The following GNB5 variants were observed in gnomAD, a reference collection of about 807,000 sequenced individuals.
GNB5 encodes guanine nucleotide-binding protein subunit beta-5.
In GNB5, 37 loss-of-function variants were observed where a neutral mutation model predicts 55.3. The ratio of observed to expected loss-of-function variants is 0.67; its 90% CI spans 0.51 to 0.88. The LOEUF (loss-of-function observed/expected upper bound fraction) is 0.88. Among genes scored for constraint, GNB5 ranks in the 40% least tolerant of loss-of-function variants. The pLI, the probability that GNB5 is intolerant of heterozygous loss-of-function variation, is 0.00. For synonymous variants in GNB5, 219 were observed against 198.5 expected (o/e 1.10, Z -0.87); for missense variants, 476 against 515.3 (o/e 0.92, Z 0.74).
At chr15:52,166,282 T>C (rs981783711) in intron 3 of GNB5, among the ~76,000 whole-genome samples, 1 of 152,124 alleles carries the variant, frequency 6.6e-6, no homozygotes, top group Non-Finnish European at 1.5e-5. Context: ...AGACAGATCA[T>C]TGAGAGAGAA....
At chr15:52,173,974 G>A (rs1450101402) in intron 3 of GNB5, among the ~76,000 whole-genome samples, 2 of 152,300 alleles carry the variant, frequency 1.3e-5, no homozygotes, top group Non-Finnish European at 2.9e-5. Context: ...ACGGCAAAAG[G>A]GACTTTCTAG....
At chr15:52,171,644 C>T (rs1443657000) in intron 3 of GNB5, among the ~76,000 whole-genome samples, 3 of 152,232 alleles carry the variant, frequency 2.0e-5, no homozygotes, top group Non-Finnish European at 4.4e-5. Flanking sequence ...GTAGAGAAAC[C>T]GACTTCTGTA....
chr15:52,130,869 A>C (rs2033555888), intron 9 of GNB5, among the ~76,000 whole-genome samples: 1 of 152,252 alleles, frequency 6.6e-6, no homozygotes, highest in Admixed American at 6.5e-5. Context: ...TCTACTGCCC[A>C]GGCTGGAGTG....
At position 52,186,012 on chromosome 15, in the gene GNB5, C is replaced by G. The variant is rs565992132; in HGVS notation, c.-18-1318G>C. Among the ~76,000 whole-genome samples, 370 of 152,244 alleles carry G rather than the reference C, an allele frequency of 2.4e-3. 2 individuals carry two copies. The highest frequency in any genetic ancestry group is 6.8e-3 in the Middle Eastern group (2 of 294). On this transcript the variant is annotated intron_variant, in intron 1 of 12. Transcript: ENST00000261837. Reference sequence around the variant, plus strand: ...CAGGCTGGTCTCAAACTCCTGACCTCAAGTTATCCACCCACCTCGGCCTCC... The same window carrying G: ...CAGGCTGGTCTCAAACTCCTGACCTGAAGTTATCCACCCACCTCGGCCTCC...
intron 7 of GNB5, among the ~76,000 whole-genome samples, chr15:52,138,122 AT>A (rs1289242027): frequency 6.6e-6 from 1 of 151,248 alleles, no homozygotes; most frequent in East Asian, 1.9e-4. Context: ...AAAGAATCTC[AT>A]TTTTTTCCCA....
Position 52,124,622 on chromosome 15 carries a change from CA to C in GNB5, c.1026del (p.Gly343AspfsTer78). On this transcript the variant is annotated frameshift_variant, in exon 12 of 13. Coordinates refer to ENST00000261837, the MANE Select transcript of GNB5 (RefSeq NM_016194.4). LOFTEE classifies it high-confidence loss of function. The stretch of plus-strand genomic sequence containing the variant: ...ACGTTGATAGTGTAATCATTGTATC[CA>C]GCAAACAGCAGGCGACCTTGAAGCA... ...DFSLSGRLLFAGYNDYTINVW... is the reference protein window; with the variant it reads ...DFSLSGRLLFXGYNDYTINVW... 1 of 1,613,820 alleles carries C rather than the reference CA, an allele frequency of 6.2e-7. No homozygotes were observed. Among genetic ancestry groups the C allele is most frequent in the Non-Finnish European group, 8.5e-7 (1 of 1,179,854 alleles).
chr15:52,138,607 G>C (rs2033782883), intron 7 of GNB5: 1 of 151,990 alleles, frequency 6.6e-6, no homozygotes, highest in Non-Finnish European at 1.5e-5. Flanking sequence ...CTGAAATTTG[G>C]GTACTCATAT....
Position 52,169,872 on chromosome 15 carries a change from GA to G in GNB5, c.238+9895del, listed in dbSNP as rs573082402. On this transcript the variant is annotated intron_variant, in intron 3 of 12. Coordinates refer to ENST00000261837, the MANE Select transcript of GNB5 (RefSeq NM_016194.4). ...TACAAGAACTTAAACAAATTTACAA[GA>G]AAAAAAACCCCATTAAAAAGTGGGC... Among the ~76,000 whole-genome samples the G allele has an allele frequency of 3.2e-3, 477 of 151,324 alleles. 1 individual carries two copies. The highest frequency in any genetic ancestry group is 0.011 in the African/African-American group (454 of 41,268).
chr15:52,126,891 G>C (rs1051118169), intron 10 of GNB5, among the ~76,000 whole-genome samples: 11 of 152,058 alleles, frequency 7.2e-5, no homozygotes, highest in Non-Finnish European at 1.3e-4. Flanking sequence ...GCCTCCCCAG[G>C]GTTCAAACGA....
chr15:52,151,977 G>GA (rs1254051498), intron 4 of GNB5, among the ~76,000 whole-genome samples: 6 of 151,548 alleles, frequency 4.0e-5, no homozygotes, highest in African/African-American at 7.3e-5. Context: ...AAAAGAAAAA[G>GA]AAAAAAATAA....
intron 1 of GNB5, among the ~76,000 whole-genome samples, chr15:52,188,628 A>C (rs959358098): frequency 6.6e-6 from 1 of 152,200 alleles, no homozygotes; most frequent in African/African-American, 2.4e-5. Context: ...TTTGACAAGA[A>C]AGACAGAAAT....
Position 52,135,760 on chromosome 15 carries a change from C to A in GNB5, c.628-4G>T. Reference sequence around the variant, plus strand: ...CATCGCCGCTCGCTGTCAGGATCTGCCCGCAGAAAAGGACAGGAAGTGGGT... The same window carrying A: ...CATCGCCGCTCGCTGTCAGGATCTGACCGCAGAAAAGGACAGGAAGTGGGT... On this transcript the variant is annotated splice_polypyrimidine_tract_variant and splice_region_variant and intron_variant, in intron 7 of 12. Coordinates refer to ENST00000261837, the MANE Select transcript of GNB5 (RefSeq NM_016194.4). 1 of 1,611,742 alleles carries A rather than the reference C, an allele frequency of 6.2e-7. No individual in the cohort carries two copies. The highest frequency in any genetic ancestry group is 8.5e-7 in the Non-Finnish European group (1 of 1,179,744).
chr15:52,172,425 G>C (rs1033913233), intron 3 of GNB5, among the ~76,000 whole-genome samples: 1 of 151,758 alleles, frequency 6.6e-6, no homozygotes, highest in African/African-American at 2.4e-5. Flanking sequence ...CACCATGCCC[G>C]GCCTCCTTTT....
intron 5 of GNB5, among the ~76,000 whole-genome samples, chr15:52,148,500 T>C (rs1344675104): frequency 6.6e-6 from 1 of 152,126 alleles, no homozygotes; most frequent in Non-Finnish European, 1.5e-5. Flanking sequence ...TTGGTGGTGG[T>C]AGAACCAGGA....
In GNB5 at chr15:52,136,005, G is replaced by T. The variant is rs191370239; in HGVS notation, c.628-249C>A. On this transcript the variant is annotated intron_variant, in intron 7 of 12. Coordinates refer to ENST00000261837, the MANE Select transcript of GNB5 (RefSeq NM_016194.4). Reference sequence around the variant, plus strand: ...CTTGAGTTGTGTTTATATGGTTGTGGTTATTGCTTATGCCGGGGGCAGTCA... The same window carrying T: ...CTTGAGTTGTGTTTATATGGTTGTGTTTATTGCTTATGCCGGGGGCAGTCA... Among the ~76,000 whole-genome samples, 5 of 133,204 alleles carry T rather than the reference G, an allele frequency of 3.8e-5. No homozygotes were observed. In the East Asian group the frequency reaches 1.1e-3, roughly 30 times the overall value. 87.4% of individuals were successfully genotyped at this position (133,204 alleles called of 152,430 possible). A position where few individuals can be genotyped will look rare whatever the true frequency, so the allele number is the denominator to read the frequency against.
At chr15:52,151,490 C>G (rs188116051) in intron 4 of GNB5, among the ~76,000 whole-genome samples, 169 of 152,308 alleles carry the variant, frequency 1.1e-3, no homozygotes, top group African/African-American at 4.0e-3. Flanking sequence ...TCCCACATGG[C>G]TGGGGTGACT....
At chr15:52,182,156 C>T (rs765023111) in intron 2 of GNB5, among the ~76,000 whole-genome samples, 2 of 152,132 alleles carry the variant, frequency 1.3e-5, no homozygotes, top group East Asian at 1.9e-4. Flanking sequence ...GTATGGCATT[C>T]GGAGAGAGCA....
rs2033212008 is a variant in GNB5 at position 52,119,417 on chromosome 15, T to TGGGAGGGAGGAGAG, written c.*3339_*3340insCTCTCCTCCCTCCC. 9.2e-5 allele frequency: 1 copy of TGGGAGGGAGGAGAG among 10,916 alleles called. No homozygotes were observed. The highest frequency in any genetic ancestry group is 5.7e-4 in the African/African-American group (1 of 1,768). 0.7% of individuals were successfully genotyped at this position (10,916 alleles called of 1,614,324 possible). ...GGAGGAGGAGATGGGAGGGAGGAGA[T>TGGGAGGGAGGAGAG]GGGAGGGAGGAGGAGGAGATGGGAG... On this transcript the variant is annotated 3_prime_UTR_variant, in exon 13 of 13. Transcript: ENST00000261837.
rs1391104724 is a variant in GNB5 at position 52,141,180 on chromosome 15, T to C, written c.587A>G (p.Asn196Ser). Residue 196 changes from asparagine to serine, a missense_variant, in exon 7 of 13, where the codon AAC (asparagine) becomes AGC (serine). Asn to Ser is a conservative substitution (Grantham distance 46, BLOSUM62 1). Coordinates refer to ENST00000261837, the MANE Select transcript of GNB5 (RefSeq NM_016194.4). The part of the protein sequence containing the change: ...AKKKSVAMHT[N>S]YLSACSFTNS... ...GGTGAAGCTGCAGGCCGACAGGTAG[T>C]TGGTGTGCATAGCAACAGACTTCTT... The C allele has an allele frequency of 1.2e-6, 2 of 1,614,136 alleles. No individual in the cohort carries two copies. The highest frequency in any genetic ancestry group is 1.7e-6 in the Non-Finnish European group (2 of 1,179,980).
Sources: allele counts gnomAD v4.1 joint callset (sites outside exome capture counted in the v4.1 genomes callset), GRCh38; gene constraint gnomAD v4.1.1; transcripts MANE v1.5; gene names NCBI Gene and HGNC (gene_info 2026-07-23, HGNC 2026-07-21).